APOL3: variants seen among roughly 807,000 people sequenced by gnomAD.
APOL3 encodes apolipoprotein L3, also known as TNF-inducible protein CG12-1.
In APOL3, 14 loss-of-function variants were observed where a neutral mutation model predicts 11.6. The ratio of observed to expected loss-of-function variants is 1.21; its 90% CI spans 0.80 to 1.89. The LOEUF (loss-of-function observed/expected upper bound fraction) is 1.89. APOL3 is among the 40% of genes most tolerant of loss of function. The pLI is 0.00. For synonymous variants in APOL3, 192 were observed against 190.6 expected, an observed-to-expected ratio of 1.01 and a Z score of -0.06; for missense variants, 483 against 492.1, an observed-to-expected ratio of 0.98 and a Z score of 0.17.
chr22:36,156,076 G>A (rs754574017), intron 1 of APOL3: 14 of 195,552 alleles, frequency 7.2e-5, no homozygotes, highest in East Asian at 1.5e-4. Context: ...TGAAGACACC[G>A]TGCTCCTCCT....
At chr22:36,145,905 ATC>A (rs144364228) in intron 1 of APOL3, among the ~76,000 whole-genome samples, 2 of 149,838 alleles carry the variant, frequency 1.3e-5, no homozygotes, top group African/African-American at 4.9e-5. Flanking sequence ...GAGGCAGAAG[ATC>A]TCTCTCTCTC....
chr22:36,161,478 C>T (rs2013692033), upstream of APOL3: 1 of 157,026 alleles, frequency 6.4e-6, no homozygotes, highest in Non-Finnish European at 1.4e-5. Context: ...TTGTCGAACG[C>T]CATACCTGTG....
intron 1 of APOL3, chr22:36,157,082 T>C: frequency 2.2e-6 from 1 of 452,886 alleles, no homozygotes; most frequent in East Asian, 7.0e-5. Flanking sequence ...TTTCTGAGTT[T>C]CCATTTATTT....
intron 1 of APOL3, chr22:36,150,037 C>T (rs1301572262): frequency 1.0e-5 from 4 of 390,670 alleles, no homozygotes; most frequent in East Asian, 7.3e-5. Context: ...GTCTCCAACT[C>T]CTGGTTTCAA....
At chr22:36,156,852 C>G (rs1030253764) in intron 1 of APOL3, 5 of 437,064 alleles carry the variant, frequency 1.1e-5, no homozygotes, top group Non-Finnish European at 2.3e-5. Context: ...ACCTGGGTGG[C>G]CTCTGCCCTC....
upstream of APOL3, chr22:36,160,946 C>G (rs2013660556): frequency 3.2e-6 from 5 of 1,551,010 alleles, no homozygotes; most frequent in East Asian, 2.3e-5. Flanking sequence ...AGAGCAGCCC[C>G]AGACGTCCTT....
At chr22:36,141,417 C>A (rs752795160) in exon 3 of APOL3, 1 of 1,614,052 alleles carries the variant, frequency 6.2e-7, no homozygotes, top group African/African-American at 1.3e-5. Flanking sequence ...GCTCACTGCC[C>A]GGGTGGTGCC....
intron 1 of APOL3, among the ~76,000 whole-genome samples, chr22:36,147,395 C>T (rs2060259197): frequency 6.6e-6 from 1 of 152,168 alleles, no homozygotes; most frequent in Non-Finnish European, 1.5e-5. Context: ...CACCTCTGAA[C>T]CCAGCTGGCC....
At chr22:36,151,691 A>C (rs181208372) in intron 1 of APOL3, among the ~76,000 whole-genome samples, 1 of 152,374 alleles carries the variant, frequency 6.6e-6, no homozygotes, top group African/African-American at 2.4e-5. Context: ...ATGGTGGCTC[A>C]TGCCTATAAC....
At chr22:36,144,042 A>G (rs2060097131) in intron 2 of APOL3, among the ~76,000 whole-genome samples, 2 of 152,160 alleles carry the variant, frequency 1.3e-5, no homozygotes, top group Admixed American at 6.5e-5. Flanking sequence ...CTCTATGTAG[A>G]ACAGAAGAGG....
chr22:36,142,033 C>T (rs1465543347), exon 3 of APOL3: 1 of 1,613,118 alleles, frequency 6.2e-7, no homozygotes, highest in Non-Finnish European at 8.5e-7. Context: ...TTCTTCAGAG[C>T]TTCGTAGAGA....
At chr22:36,144,937 G>A (rs1221878821) in intron 2 of APOL3, among the ~76,000 whole-genome samples, 2 of 150,792 alleles carry the variant, frequency 1.3e-5, no homozygotes, top group Non-Finnish European at 3.0e-5. Context: ...CGTGAAACCG[G>A]GAGGCGGAGG....
chr22:36,152,176 G>A (rs1287452522), intron 1 of APOL3, among the ~76,000 whole-genome samples: 1 of 151,948 alleles, frequency 6.6e-6, no homozygotes, highest in South Asian at 2.1e-4. Context: ...AGGGAAAGGG[G>A]ACTCGATAGA....
chr22:36,142,117 T>C (rs1332586881), intron 2 of APOL3, 59 bp from the exon 4 acceptor site: 4 of 1,517,296 alleles, frequency 2.6e-6, no homozygotes, highest in Non-Finnish European at 3.5e-6. Context: ...TAAAATCAGC[T>C]CAATAAGATC....
chr22:36,158,622 A>G (rs1317909771), intron 1 of APOL3, among the ~76,000 whole-genome samples: 1 of 152,136 alleles, frequency 6.6e-6, no homozygotes, highest in Non-Finnish European at 1.5e-5. Flanking sequence ...GATCGAGAAC[A>G]TCCTGGCTAA....
At chr22:36,145,202 AAAG>A (rs1404109116) in intron 2 of APOL3, among the ~76,000 whole-genome samples, 1 of 152,200 alleles carries the variant, frequency 6.6e-6, no homozygotes, top group African/African-American at 2.4e-5. Context: ...AGGAAGGCAG[AAAG>A]TAGTCAAGTA....
chr22:36,160,648 G>A lies in APOL3; in HGVS notation c.223+21C>T. On this transcript the variant is annotated intron_variant, in intron 1 of 2. Transcript: ENST00000349314. ...CTGTGAGGATGGGGAGATGGGGAAG[G>A]TCAGACCACCCCTAACTTACCAAGG... The A allele has an allele frequency of 1.2e-6, 2 of 1,612,304 alleles. 1 individual carries two copies. Among genetic ancestry groups the A allele is most frequent in the African/African-American group, 2.7e-5 (2 of 74,992 alleles).
intron 1 of APOL3, 53 bp downstream of exon 1, chr22:36,160,616 A>C: frequency 9.5e-6 from 15 of 1,576,116 alleles, no homozygotes; most frequent in Admixed American, 1.7e-5. Flanking sequence ...CTTCTCTTAT[A>C]GAGCTGCTGT....
intron 1 of APOL3, among the ~76,000 whole-genome samples, chr22:36,158,676 G>A (rs1030540389): frequency 3.3e-5 from 5 of 152,028 alleles, no homozygotes; most frequent in African/African-American, 9.7e-5. Flanking sequence ...AAAATTAGCC[G>A]GGCGTGGTGG....
Sources: gnomAD v4.1 joint callset for allele counts (sites outside exome capture counted in the v4.1 genomes callset) on GRCh38, gnomAD v4.1.1 for gene constraint, MANE v1.5 for transcripts, NCBI Gene and HGNC (gene_info 2026-07-23, HGNC 2026-07-21) for gene names.